Variants in HIF3A observed in about 807,000 individuals in gnomAD.
HIF3A encodes the protein hypoxia inducible factor 3 subunit alpha.
Under a neutral mutation model 67.2 loss-of-function variants are expected in HIF3A, and 41 were observed. That is an observed-to-expected ratio of 0.61 (90% CI 0.48 to 0.79). The LOEUF is 0.79. HIF3A is among the 30% of genes least tolerant of loss of function. The probability of loss-of-function intolerance (pLI) is 0.00; values close to 1 mark genes in which losing one functional copy is unlikely to be tolerated. For synonymous variants in HIF3A, 356 were observed against 374.8 expected (o/e 0.95, Z 0.58); for missense variants, 855 against 898.0 (o/e 0.95, Z 0.61).
At chr19:46,298,198 G>C in intron 1 of HIF3A, 1 of 311,578 alleles carries the variant, frequency 3.2e-6, no homozygotes, top group South Asian at 2.3e-5. Context: ...CACACCCCAT[G>C]TTTCTAACCG....
rs1971994766 is a variant in HIF3A at position 46,343,279 on chromosome 19, C to T, written c.*3657C>T. The T allele has an allele frequency of 6.5e-6, 1 of 152,770 alleles. No homozygotes were observed. Among genetic ancestry groups the T allele is most frequent in the South Asian group, 2.1e-4 (1 of 4,832 alleles). The allele number at this position is 152,770 out of a possible 1,614,324, so 9.5% of individuals were successfully genotyped here. A position where few individuals can be genotyped will look rare whatever the true frequency, so the allele number is the denominator to read the frequency against. On this transcript the variant is annotated 3_prime_UTR_variant, in exon 15 of 15. Coordinates refer to ENST00000377670, the MANE Select transcript of HIF3A (RefSeq NM_152795.4). ...ATCCAGATTGGTGCTATGGGGGGGT[C>T]TGACCCCTCCCTCCTCCCTCTGGAG...
rs577345294 is a variant in HIF3A, at chr19:46,308,780, G to A, written c.561+5G>A. On this transcript the variant is annotated splice_donor_5th_base_variant and intron_variant, in intron 5 of 14. Coordinates refer to ENST00000377670, the MANE Select transcript of HIF3A (RefSeq NM_152795.4). ...CTCAAGGCGGCCACCTGGAAGGTGC[G>A]TGGGGCCGGGCCAGAGGAGGGCGGG... 3.4e-5 allele frequency: 54 copies of A among 1,576,900 alleles called. No homozygotes were observed. Among genetic ancestry groups the A allele is most frequent in the Middle Eastern group, 3.4e-4 (2 of 5,818 alleles).
chr19:46,339,947 A>G lies in HIF3A; in HGVS notation c.*325A>G, dbSNP rs1971874847. 3.7e-6 allele frequency: 1 copy of G among 272,922 alleles called. No homozygotes were observed. Among genetic ancestry groups the G allele is most frequent in the Non-Finnish European group, 6.8e-6 (1 of 146,620 alleles). 16.9% of individuals were successfully genotyped at this position (272,922 alleles called of 1,614,324 possible). A position where few individuals can be genotyped will look rare whatever the true frequency, so the allele number is the denominator to read the frequency against. ...GCCTCTCTTGGCTTTATTTTGGGGA[A>G]TCAGGGGTGAGGAGGGTTGGGGGGG... On this transcript the variant is annotated 3_prime_UTR_variant, in exon 15 of 15. Coordinates refer to ENST00000377670, the MANE Select transcript of HIF3A (RefSeq NM_152795.4).
Position 46,321,845 on chromosome 19 carries a change from A to G in HIF3A, c.1214A>G (p.Asp405Gly). ...CTGAGCGAGGCTGCCCTGGCCGCTG[A>G]CCCCCGCCGTTTCTGCAGCCCTGAC... is the stretch of plus-strand genomic sequence containing the variant. ...PSLSEAALAA[D>G]PRRFCSPDLR... The change falls in exon 10 of 15, where the codon GAC (aspartate) becomes GGC (glycine). Residue 405 changes from aspartate to glycine, a missense_variant. Physicochemically the swap from Asp to Gly is moderately conservative, Grantham distance 94. Coordinates refer to ENST00000377670, the MANE Select transcript of HIF3A (RefSeq NM_152795.4). The G allele has an allele frequency of 3.1e-6, 5 of 1,612,482 alleles. No individual in the cohort carries two copies. The highest frequency in any genetic ancestry group is 4.2e-6 in the Non-Finnish European group (5 of 1,179,642).
In HIF3A at chr19:46,334,216, C is replaced by T. The variant is rs902696221; in HGVS notation, c.1831-689C>T. Among the ~76,000 whole-genome samples the T allele has an allele frequency of 2.6e-5, 4 of 152,270 alleles. No individual in the cohort carries two copies. The South Asian group carries it at 8.3e-4, about 32-fold the overall frequency. ...AAGCAATTCTCCTACCTCCGCCTCCCAAGTAGCTGGGATTACAGACATGCG... is the reference window on the plus strand; with the variant it reads ...AAGCAATTCTCCTACCTCCGCCTCCTAAGTAGCTGGGATTACAGACATGCG... On this transcript the variant is annotated intron_variant, in intron 13 of 14. Transcript: ENST00000377670.
At chr19:46,325,461 A>C in intron 10 of HIF3A, 74 bp from the exon 11 acceptor site, 1 of 1,031,968 alleles carries the variant, frequency 9.7e-7, no homozygotes, top group Non-Finnish European at 1.5e-6. Flanking sequence ...TCTACCCTTG[A>C]GCTGCAGACT....
In HIF3A at chr19:46,325,625, T is replaced by G. The variant is rs73940672; in HGVS notation, c.1426T>G (p.Leu476Val). ...GKDTEAVETD[L>V]DIAQDADALD... is the part of the protein sequence containing the mutation. The stretch of plus-strand genomic sequence containing the variant: ...AGACACTGAGGCAGTGGAGACAGAT[T>G]TAGATATAGCTCAGGTAAGGGCTGG... The change falls in exon 11 of 15, where the codon TTA becomes GTA. Residue 476 changes from leucine to valine, a missense_variant. Coordinates refer to ENST00000377670, the MANE Select transcript of HIF3A (RefSeq NM_152795.4). 367 of 1,610,980 alleles carry G rather than the reference T, an allele frequency of 2.3e-4. No individual in the cohort carries two copies. The African/African-American group carries it at 4.5e-3, about 20-fold the overall frequency.
chr19:46,311,980 G>A (rs1337461494), intron 6 of HIF3A, 181 bp from the exon 7 acceptor site: 2 of 762,938 alleles, frequency 2.6e-6, no homozygotes. Flanking sequence ...ACATCTTTGG[G>A]GGTCATTATT....
intron 2 of HIF3A, chr19:46,304,327 C>T: frequency 6.9e-6 from 4 of 575,672 alleles, no homozygotes; most frequent in Non-Finnish European, 1.2e-5. Flanking sequence ...ACTTGTGAGG[C>T]CCCGCCCCTG....
intron 11 of HIF3A, chr19:46,329,000 A>G (rs987159596): frequency 3.3e-5 from 15 of 453,668 alleles, no homozygotes; most frequent in African/African-American, 2.6e-4. Flanking sequence ...CTGGGATTAC[A>G]GGTGTGAGCT....
chr19:46,330,963 G>T (rs1190732543), intron 12 of HIF3A, among the ~76,000 whole-genome samples, 193 bp from the exon 13 acceptor site: 3 of 151,900 alleles, frequency 2.0e-5, no homozygotes, highest in Non-Finnish European at 4.4e-5. Context: ...GATGGAGGTT[G>T]GGTGGGTGGG....
chr19:46,333,867 A>G (rs1971425223), intron 13 of HIF3A, among the ~76,000 whole-genome samples: 1 of 126,610 alleles, frequency 7.9e-6, no homozygotes, highest in Admixed American at 1.0e-4. Flanking sequence ...ATCTCGGCTC[A>G]CTGCAAACTC....
chr19:46,309,763 A>G (rs1417181690), intron 6 of HIF3A, among the ~76,000 whole-genome samples: 1 of 152,036 alleles, frequency 6.6e-6, no homozygotes, highest in Non-Finnish European at 1.5e-5. Flanking sequence ...AGCAGTTAAT[A>G]TGGTGCCCAG....
At chr19:46,301,061 C>A (rs1202831118) in intron 1 of HIF3A, among the ~76,000 whole-genome samples, 1 of 152,178 alleles carries the variant, frequency 6.6e-6, no homozygotes, top group Non-Finnish European at 1.5e-5. Flanking sequence ...TGGAACAGAA[C>A]AGGACGGAAT....
chr19:46,310,131 T>G (rs1189625103), intron 6 of HIF3A, among the ~76,000 whole-genome samples: 8 of 152,012 alleles, frequency 5.3e-5, no homozygotes, highest in African/African-American at 1.9e-4. Flanking sequence ...AGGCTGAGAC[T>G]GGAGAATTGC....
intron 1 of HIF3A, chr19:46,298,205 A>ACCCC: frequency 2.3e-5 from 7 of 303,410 alleles, no homozygotes; most frequent in Non-Finnish European, 3.3e-5. Context: ...CATGTTTCTA[A>ACCCC]CCGCCCCCAT....
intron 6 of HIF3A, among the ~76,000 whole-genome samples, chr19:46,310,059 T>C (rs1372975851): frequency 6.6e-6 from 1 of 152,120 alleles, no homozygotes; most frequent in African/African-American, 2.4e-5. Context: ...ACCCCAACTC[T>C]ACTAAAAATA....
At chr19:46,337,211 G>C (rs1971689140) in intron 14 of HIF3A, among the ~76,000 whole-genome samples, 3 of 151,982 alleles carry the variant, frequency 2.0e-5, no homozygotes, top group African/African-American at 7.2e-5. Context: ...AGAGAGAACA[G>C]CAAGTGCAAA....
chr19:46,321,822 G>C lies in HIF3A; in HGVS notation c.1191G>C (p.Leu397=), dbSNP rs750842292. 6.2e-7 allele frequency: 1 copy of C among 1,613,840 alleles called. No homozygotes were observed. The highest frequency in any genetic ancestry group is 1.1e-5 in the South Asian group (1 of 91,072). ...TTGCCTTCCTGCACCCGCCTTCCCTGAGCGAGGCTGCCCTGGCCGCTGACC... is the reference window on the plus strand; with the variant it reads ...TTGCCTTCCTGCACCCGCCTTCCCTCAGCGAGGCTGCCCTGGCCGCTGACC... ...RILAFLHPPS[L]SEAALAADPR... The change falls in exon 10 of 15, where the codon CTG becomes CTC. Residue 397 remains leucine (L), a synonymous_variant. Transcript: ENST00000377670.
Sources: gnomAD v4.1 joint callset for allele counts (sites outside exome capture counted in the v4.1 genomes callset) on GRCh38, gnomAD v4.1.1 for gene constraint, MANE v1.5 for transcripts, NCBI Gene and HGNC (gene_info 2026-07-23, HGNC 2026-07-21) for gene names.